Variants in CCDC61 observed in about 807,000 individuals in gnomAD.
CCDC61 encodes coiled-coil domain containing 61.
CCDC61 carries 55 observed loss-of-function variants against 63.0 expected under a neutral mutation model. The ratio of observed to expected loss-of-function variants is 0.87; its 90% CI spans 0.70 to 1.09. CCDC61 has a LOEUF of 1.09. CCDC61 is among the 50% of genes least tolerant of loss of function. CCDC61 has a pLI of 0.00. For missense variants in CCDC61, 651 were observed against 731.4 expected, an observed-to-expected ratio of 0.89 and a Z score of 1.27; for synonymous variants, 270 against 317.0, an observed-to-expected ratio of 0.85 and a Z score of 1.58.
chr19:45,998,919 T>C (rs1452296489), intron 1 of CCDC61, among the ~76,000 whole-genome samples: 1 of 152,118 alleles, frequency 6.6e-6, no homozygotes, highest in East Asian at 1.9e-4. Context: ...TGTGCCATGC[T>C]TAAGGTGTGA....
At position 46,017,085 on chromosome 19, in the gene CCDC61, G is replaced by A; in HGVS notation, c.1310+16G>A. On this transcript the variant is annotated intron_variant, in intron 11 of 13. Coordinates refer to ENST00000595358, the MANE Select transcript of CCDC61 (RefSeq NM_001267723.2). Reference sequence around the variant, plus strand: ...TCTCCAGAGGGTAAAACTTGAACTTGGGAAAAGGATCGCCTCCAAAGGGTT... The same window carrying A: ...TCTCCAGAGGGTAAAACTTGAACTTAGGAAAAGGATCGCCTCCAAAGGGTT... The A allele has an allele frequency of 6.2e-7, 1 of 1,609,186 alleles. No homozygotes were observed. The highest frequency in any genetic ancestry group is 8.5e-7 in the Non-Finnish European group (1 of 1,177,416).
intron 1 of CCDC61, among the ~76,000 whole-genome samples, chr19:45,999,215 C>T (rs560837766): frequency 5.1e-4 from 78 of 152,132 alleles, no homozygotes; most frequent in South Asian, 2.7e-3. Flanking sequence ...ACTGGGGTGC[C>T]GCAGTGTGCA....
chr19:45,999,921 G>T (rs556712337), intron 1 of CCDC61: 1 of 655,776 alleles, frequency 1.5e-6, no homozygotes, highest in Admixed American at 6.3e-5. Flanking sequence ...GCGGGGCCTC[G>T]AAGGCACCGC....
chr19:46,003,581 T>A, intron 3 of CCDC61, 80 bp downstream of exon 3: 1 of 928,556 alleles, frequency 1.1e-6, no homozygotes. Flanking sequence ...CCATCTGATG[T>A]ATGTAAGACC....
chr19:46,008,393 T>A lies in CCDC61; in HGVS notation c.551+92T>A, dbSNP rs1968759130. 6.7e-6 allele frequency: 7 copies of A among 1,043,592 alleles called. No individual in the cohort carries two copies. The Admixed American group carries it at 8.2e-5, about 12-fold the overall frequency. The allele number at this position is 1,043,592 out of a possible 1,614,324, so 64.6% of individuals were successfully genotyped here. On this transcript the variant is annotated intron_variant, in intron 5 of 13. Coordinates refer to ENST00000595358, the MANE Select transcript of CCDC61 (RefSeq NM_001267723.2). ...TGCTCGGTCCTGTGGGGAGGATGACTGTCCTTCGCCCACCACGTATTCTTT... is the reference window on the plus strand; with the variant it reads ...TGCTCGGTCCTGTGGGGAGGATGACAGTCCTTCGCCCACCACGTATTCTTT...
Position 46,004,835 on chromosome 19 carries a change from C to CTTT in CCDC61, c.231+1358_231+1360dup, listed in dbSNP as rs748867869. 4.5e-4 allele frequency among the ~76,000 whole-genome samples: 43 copies of CTTT among 95,266 alleles called. 1 individual carries two copies. Among genetic ancestry groups the CTTT allele is most frequent in the African/African-American group, 1.3e-3 (29 of 23,108 alleles). The allele number at this position is 95,266 out of a possible 152,430, so 62.5% of individuals were successfully genotyped here. On this transcript the variant is annotated intron_variant, in intron 3 of 13. Coordinates refer to ENST00000595358, the MANE Select transcript of CCDC61 (RefSeq NM_001267723.2). ...ACAGGGATGGGTGGTATTTAGATAT[C>CTTT]TTTTTTTTTTTTTTTTTTTTTTTTT...
rs1215070641 is a variant in CCDC61, at chr19:46,016,547, T to A, written c.1092-147T>A. On this transcript the variant is annotated intron_variant, in intron 9 of 13. Coordinates refer to ENST00000595358, the MANE Select transcript of CCDC61 (RefSeq NM_001267723.2). The surrounding 1 kb of genome is among the most constrained non-coding windows in gnomAD (Gnocchi z 7.2). ...TGCTCTCCCTTCCGTCCGTCCTACCTCCTCGTCTGTGTTTCTGCGTGCTTT... is the reference window on the plus strand; with the variant it reads ...TGCTCTCCCTTCCGTCCGTCCTACCACCTCGTCTGTGTTTCTGCGTGCTTT... 5 of 1,391,532 alleles carry A rather than the reference T, an allele frequency of 3.6e-6. No individual in the cohort carries two copies. The highest frequency in any genetic ancestry group is 4.9e-6 in the Non-Finnish European group (5 of 1,013,590). The allele number at this position is 1,391,532 out of a possible 1,614,324, so 86.2% of individuals were successfully genotyped here. A position where few individuals can be genotyped will look rare whatever the true frequency, so the allele number is the denominator to read the frequency against.
At chr19:46,004,393 C>T (rs911536278) in intron 3 of CCDC61, among the ~76,000 whole-genome samples, 3 of 152,156 alleles carry the variant, frequency 2.0e-5, no homozygotes, top group Admixed American at 2.0e-4. Flanking sequence ...CAGACAAAAC[C>T]CCTGTCCTCA....
At chr19:45,997,274 G>T (rs927151831) in intron 1 of CCDC61, among the ~76,000 whole-genome samples, 50 of 152,260 alleles carry the variant, frequency 3.3e-4, no homozygotes, top group African/African-American at 1.2e-3. Flanking sequence ...CCGCTCAGAC[G>T]TCAGCTTCAC....
At chr19:46,013,386 G>A (rs926061729) in intron 5 of CCDC61, among the ~76,000 whole-genome samples, 4 of 151,126 alleles carry the variant, frequency 2.6e-5, no homozygotes, top group Admixed American at 1.3e-4. Context: ...CAAACTCTTG[G>A]GCTCAAGGTA....
chr19:46,000,191 GA>G (rs1968564934), intron 1 of CCDC61: 1 of 223,934 alleles, frequency 4.5e-6, no homozygotes, highest in Non-Finnish European at 7.2e-6. Context: ...AAGAGAGGTG[GA>G]AAATATGTGT....
intron 5 of CCDC61, among the ~76,000 whole-genome samples, chr19:46,012,633 G>T (rs1243298256): frequency 2.7e-5 from 4 of 150,620 alleles, no homozygotes; most frequent in Non-Finnish European, 5.9e-5. Context: ...GGTGACAGAG[G>T]GAGACTCTAT....
At position 46,016,823 on chromosome 19, in the gene CCDC61, C is replaced by A; in HGVS notation, c.1221C>A (p.Arg407=). The A allele has an allele frequency of 1.3e-6, 2 of 1,517,568 alleles. No homozygotes were observed. Among genetic ancestry groups the A allele is most frequent in the South Asian group, 1.3e-5 (1 of 78,728 alleles). The allele number at this position is 1,517,568 out of a possible 1,614,324, so 94.0% of individuals were successfully genotyped here. ...RGDAPNRSRN[R]SSSVDSFRSR... Reference sequence around the variant, plus strand: ...ACGCCCCTAACCGCTCCCGAAACCGCAGCTCCTCAGGTAACTGGCCTGGAG... The same window carrying A: ...ACGCCCCTAACCGCTCCCGAAACCGAAGCTCCTCAGGTAACTGGCCTGGAG... The change falls in exon 10 of 14, where the codon CGC becomes CGA. Residue 407 remains arginine, a synonymous_variant. Transcript: ENST00000595358. This position sits in a 1 kb window ranked among gnomAD's most constrained non-coding sequence, Gnocchi z 7.2.
intron 1 of CCDC61, among the ~76,000 whole-genome samples, chr19:46,002,663 T>C (rs1171199232): frequency 2.6e-5 from 4 of 151,966 alleles, no homozygotes; most frequent in Non-Finnish European, 4.4e-5. Context: ...GTGATCCTCC[T>C]GCCTCAGCCT....
chr19:46,005,265 C>CT (rs547396453), intron 3 of CCDC61, among the ~76,000 whole-genome samples: 4,414 of 27,598 alleles, frequency 0.16, 55 homozygotes, highest in Middle Eastern at 0.34. Flanking sequence ...CTGCCTCGGC[C>CT]TCCCAAAGTG....
Position 46,006,614 on chromosome 19 carries a change from G to A in CCDC61, c.287G>A (p.Arg96Gln), listed in dbSNP as rs370135472. ...LLTYTDLESLRNRKMGGRPGS... is the reference protein window; with the variant it reads ...LLTYTDLESLQNRKMGGRPGS... ...ACCTACACAGACCTGGAGTCCCTGC[G>A]GAACCGCAAGATGGGGGGCCGCCCA... is the stretch of plus-strand genomic sequence containing the variant. Residue 96 changes from arginine to glutamine, a missense_variant, in exon 4 of 14, where the codon CGG becomes CAG. Transcript: ENST00000595358. 1.8e-5 allele frequency: 29 copies of A among 1,613,538 alleles called. No homozygotes were observed. The East Asian group carries it at 2.5e-4, about 14-fold the overall frequency.
At chr19:46,000,517 A>T (rs28497550) in intron 1 of CCDC61, among the ~76,000 whole-genome samples, 21,172 of 151,428 alleles carry the variant, frequency 0.14, 1,724 homozygotes, top group Middle Eastern at 0.26. Flanking sequence ...GGAATGTAGC[A>T]TGAGGGTTGG....
intron 1 of CCDC61, among the ~76,000 whole-genome samples, chr19:46,001,351 C>T (rs900252434): frequency 1.3e-5 from 2 of 152,026 alleles, no homozygotes; most frequent in Admixed American, 1.3e-4. Context: ...CTCAGCCTCC[C>T]GAGTAGCTGG....
In CCDC61 at chr19:46,006,590, C is replaced by T. The variant is rs775894234; in HGVS notation, c.263C>T (p.Thr88Ile). ...GAGTCAGTCACCCTGGACCTGCTGA[C>T]CTACACAGACCTGGAGTCCCTGCGG... Reference protein sequence around the residue: ...SSESVTLDLLTYTDLESLRNR... With the variant: ...SSESVTLDLLIYTDLESLRNR... Residue 88 changes from threonine (T) to isoleucine (I), a missense_variant, in exon 4 of 14, where the codon ACC becomes ATC. Transcript: ENST00000595358. 2 of 1,611,436 alleles carry T rather than the reference C, an allele frequency of 1.2e-6. No homozygotes were observed. The highest frequency in any genetic ancestry group is 1.7e-6 in the Non-Finnish European group (2 of 1,178,494).
Sources: gnomAD v4.1 joint callset for allele counts (sites outside exome capture counted in the v4.1 genomes callset) on GRCh38, gnomAD v4.1.1 for gene constraint, Gnocchi (gnomAD v3.1) non-coding constraint, MANE v1.5 for transcripts, NCBI Gene and HGNC (gene_info 2026-07-23, HGNC 2026-07-21) for gene names.